Variants in ZP3 observed in about 807,000 individuals in gnomAD.
ZP3 encodes zona pellucida glycoprotein 3.
ZP3 carries 21 observed loss-of-function variants against 35.6 expected under a neutral mutation model. That is an observed-to-expected ratio of 0.59 (90% CI 0.42 to 0.85). The LOEUF is 0.85. Among genes scored for constraint, ZP3 ranks in the 40% least tolerant of loss-of-function variants. The pLI, the probability that ZP3 is intolerant of heterozygous loss-of-function variation, is 0.00. For missense variants in ZP3, 437 were observed against 536.5 expected (o/e 0.81, Z 1.83); for synonymous variants, 207 against 214.5 (o/e 0.96, Z 0.31).
intron 1 of ZP3, chr7:76,398,812 A>T (rs1261098214): frequency 6.2e-7 from 1 of 1,610,812 alleles, no homozygotes; most frequent in Non-Finnish European, 8.5e-7. Context: ...AAAGGAAGTG[A>T]AGTGGATACA....
intron 1 of ZP3, among the ~76,000 whole-genome samples, chr7:76,427,043 AG>A (rs1028894481): frequency 1.3e-5 from 2 of 152,098 alleles, no homozygotes; most frequent in Non-Finnish European, 2.9e-5. Flanking sequence ...AGGCAGAGCA[AG>A]ACCCTCTTTT....
intron 1 of ZP3, among the ~76,000 whole-genome samples, chr7:76,413,998 C>CTTTT (rs113488466): frequency 3.1e-5 from 4 of 128,816 alleles, no homozygotes; most frequent in African/African-American, 1.2e-4. Flanking sequence ...CCTTCTTCTT[C>CTTTT]TTTTTTTTTT....
chr7:76,419,657 CTCTTTCTT>C (rs67878441), intron 1 of ZP3, among the ~76,000 whole-genome samples: 96 of 149,200 alleles, frequency 6.4e-4, no homozygotes, highest in Middle Eastern at 3.4e-3. Flanking sequence ...CTCTCTCTCT[CTCTTTCTT>C]TCTTTCTTTC....
intron 1 of ZP3, among the ~76,000 whole-genome samples, chr7:76,407,772 A>G (rs934619300): frequency 6.6e-6 from 1 of 152,226 alleles, no homozygotes; most frequent in Non-Finnish European, 1.5e-5. Context: ...CCATGAGCTT[A>G]GAGCTCAAAG....
At chr7:76,400,438 G>A in intron 1 of ZP3, 1 of 1,607,396 alleles carries the variant, frequency 6.2e-7, no homozygotes, top group African/African-American at 1.3e-5. Flanking sequence ...AAGGGGCCGT[G>A]GCACGGGCAG....
chr7:76,441,911 A>G lies in ZP3; in HGVS notation c.1130A>G (p.Glu377Gly), dbSNP rs143649134. 0.095 allele frequency: 152,820 copies of G among 1,604,482 alleles called. 8,245 individuals carry two copies. Among genetic ancestry groups the G allele is most frequent in the African/African-American group, 0.14 (10,010 of 73,558 alleles). ...FLDRRGDHEV[E>G]QWALPSDTSV... ...GACAGGAGGGGTGACCATGAAGTAG[A>G]GCAGTGGGCTTTGCCTTCTGACACC... The change falls in exon 8 of 8, where the codon GAG (glutamate) becomes GGG (glycine). Residue 377 changes from glutamate to glycine, a missense_variant. Glu to Gly is a moderately conservative substitution (Grantham distance 98). Coordinates refer to ENST00000394857, the MANE Select transcript of ZP3 (RefSeq NM_001110354.2).
At chr7:76,397,645 G>GC in exon 1 of ZP3, 3 of 1,613,748 alleles carry the variant, frequency 1.9e-6, no homozygotes, top group Non-Finnish European at 2.5e-6. Context: ...TGTGTCCGGT[G>GC]CCATAGCCGA....
chr7:76,412,948 G>GTCT (rs1166298027), intron 1 of ZP3, among the ~76,000 whole-genome samples: 5 of 135,364 alleles, frequency 3.7e-5, no homozygotes, highest in East Asian at 2.2e-4. Flanking sequence ...TTTCTTCTTT[G>GTCT]TCTTCTTCTT....
chr7:76,423,049 AAG>A (rs1805555974), upstream of ZP3, among the ~76,000 whole-genome samples: 1 of 130,402 alleles, frequency 7.7e-6, no homozygotes, highest in Non-Finnish European at 1.7e-5. Context: ...GAAAGAAAGA[AAG>A]AAAGAAAGAA....
chr7:76,400,616 C>CAGGG (rs780547967), intron 1 of ZP3: 88 of 1,432,382 alleles, frequency 6.1e-5, no homozygotes, highest in Non-Finnish European at 7.6e-5. Context: ...GAGCTGGCAC[C>CAGGG]AGGGGGTCAC....
intron 5 of ZP3, 121 bp from the exon 6 acceptor site, chr7:76,440,129 G>A: frequency 1.4e-6 from 2 of 1,476,950 alleles, no homozygotes; most frequent in South Asian, 2.7e-5. Context: ...TTATAGGTGT[G>A]TGCCAATGCA....
chr7:76,426,019 G>T (rs568490259), intron 1 of ZP3, among the ~76,000 whole-genome samples: 21 of 150,930 alleles, frequency 1.4e-4, no homozygotes, highest in Admixed American at 6.6e-5. Context: ...GGAGGCAAAG[G>T]TTGCAGTGAG....
intron 1 of ZP3, among the ~76,000 whole-genome samples, chr7:76,411,013 A>AAAAAG (rs531248610): frequency 0.35 from 45,762 of 130,192 alleles, 8,764 homozygotes; most frequent in South Asian, 0.45. Flanking sequence ...AAAAAAAAAA[A>AAAAAG]AAAAGAAAAG....
chr7:76,430,440 GTATA>G (rs1361153537), intron 2 of ZP3, among the ~76,000 whole-genome samples: 7 of 152,038 alleles, frequency 4.6e-5, no homozygotes, highest in Admixed American at 3.3e-4. Context: ...CTGGGAGTGG[GTATA>G]AGATGATGCG....
intron 1 of ZP3, among the ~76,000 whole-genome samples, chr7:76,416,525 TAGTC>T (rs1266187058): frequency 1.3e-5 from 2 of 150,346 alleles, no homozygotes; most frequent in South Asian, 2.1e-4. Context: ...TTTTATATAT[TAGTC>T]AGGCAGGTGG....
chr7:76,432,826 G>A, intron 2 of ZP3, 101 bp from the exon 3 acceptor site: 4 of 986,234 alleles, frequency 4.1e-6, no homozygotes, highest in Non-Finnish European at 6.1e-6. Flanking sequence ...GGCCATAGCT[G>A]AGGACCCTGT....
At chr7:76,422,961 C>T (rs1805540982), upstream of ZP3, among the ~76,000 whole-genome samples, 3 of 148,754 alleles carry the variant, frequency 2.0e-5, no homozygotes, top group African/African-American at 7.5e-5. Flanking sequence ...AGCACCACTG[C>T]ACTCCAGCCT....
chr7:76,404,197 G>C, intron 1 of ZP3: 1 of 1,400,942 alleles, frequency 7.1e-7, no homozygotes, highest in African/African-American at 1.5e-5. Flanking sequence ...GCATTGGAAA[G>C]AACAACAGGA....
At chr7:76,420,310 C>T (rs904431768), upstream of ZP3, among the ~76,000 whole-genome samples, 9 of 152,168 alleles carry the variant, frequency 5.9e-5, no homozygotes, top group African/African-American at 2.2e-4. Flanking sequence ...GTGTGAGCCA[C>T]CACACTCACA....
Sources: gnomAD v4.1 joint callset for allele counts (sites outside exome capture counted in the v4.1 genomes callset) on GRCh38, gnomAD v4.1.1 for gene constraint, MANE v1.5 for transcripts, NCBI Gene and HGNC (gene_info 2026-07-23, HGNC 2026-07-21) for gene names.